FAM81B: variants seen among roughly 807,000 people sequenced by gnomAD.
The protein encoded by FAM81B is family with sequence similarity 81 member B.
FAM81B carries 60 observed loss-of-function variants against 58.7 expected under a neutral mutation model. That is an observed-to-expected ratio of 1.02 (90% CI 0.83 to 1.27). FAM81B has a LOEUF of 1.27. Among genes scored for constraint, FAM81B ranks in the 50% most tolerant of loss-of-function variants. The pLI is 0.00. For synonymous variants in FAM81B, 189 were observed against 179.6 expected, an observed-to-expected ratio of 1.05 and a Z score of -0.42; for missense variants, 491 against 522.0, an observed-to-expected ratio of 0.94 and a Z score of 0.58.
intron 3 of FAM81B, among the ~76,000 whole-genome samples, chr5:95,410,262 A>T (rs1227628166): frequency 6.6e-6 from 1 of 152,192 alleles, no homozygotes; most frequent in African/African-American, 2.4e-5. Flanking sequence ...ACATACTATG[A>T]GTGGGCCAGG....
chr5:95,449,653 G>A lies in FAM81B; in HGVS notation c.1226-496G>A, dbSNP rs1745720107. Among the ~76,000 whole-genome samples the A allele has an allele frequency of 2.0e-5, 3 of 152,302 alleles. No homozygotes were observed. In the South Asian group the frequency reaches 6.2e-4, roughly 32 times the overall value. On this transcript the variant is annotated intron_variant, in intron 9 of 9. Transcript: ENST00000283357. The stretch of plus-strand genomic sequence containing the variant: ...TAAGGCCTTGAGGTTTGATAGGTCT[G>A]TGGTCAGGAGTGACTAGACATGCAT...
intron 6 of FAM81B, among the ~76,000 whole-genome samples, chr5:95,435,863 T>C (rs902740185): frequency 1.3e-5 from 2 of 152,210 alleles, no homozygotes; most frequent in South Asian, 4.1e-4. Flanking sequence ...AACATTTCCA[T>C]CTTTAGCCTG....
rs181758022 is a variant in FAM81B at position 95,415,141 on chromosome 5, G to C, written c.537+951G>C. On this transcript the variant is annotated intron_variant, in intron 4 of 9. Transcript: ENST00000283357. ...TCTAAATCAAGAGAAACATGCTTGT[G>C]TAAGAGGTCTTCGAGAGTTGCTAGG... Among the ~76,000 whole-genome samples the C allele has an allele frequency of 2.9e-3, 445 of 152,312 alleles. 4 individuals are homozygous for C. Among genetic ancestry groups the C allele is most frequent in the African/African-American group, 0.01 (424 of 41,574 alleles).
At chr5:95,438,528 G>A (rs1745191190) in intron 7 of FAM81B, among the ~76,000 whole-genome samples, 1 of 152,078 alleles carries the variant, frequency 6.6e-6, no homozygotes, top group Non-Finnish European at 1.5e-5. Flanking sequence ...TTGGTATTAT[G>A]GGAATTTGGC....
intron 3 of FAM81B, among the ~76,000 whole-genome samples, chr5:95,411,580 G>A (rs1266006387): frequency 2.6e-5 from 4 of 152,130 alleles, no homozygotes; most frequent in African/African-American, 9.7e-5. Flanking sequence ...ATAACACTAT[G>A]GTAATTTTAT....
rs1270118807 is a variant in FAM81B, at chr5:95,396,156, C to G, written c.274C>G (p.Leu92Val). ...AATGTCAACCAAGAATTCTACAGAT[C>G]TAGTTGAATATGTTGACAAGTAAGT... ...AKMSTKNSTD[L>V]VEYVDKSHAF... The change falls in exon 3 of 10, where the codon CTA (leucine) becomes GTA (valine). Residue 92 changes from leucine to valine, a missense_variant. Transcript: ENST00000283357. The G allele has an allele frequency of 6.2e-7, 1 of 1,603,888 alleles. No homozygotes were observed. The highest frequency in any genetic ancestry group is 1.3e-5 in the African/African-American group (1 of 74,562).
intron 9 of FAM81B, among the ~76,000 whole-genome samples, chr5:95,449,413 T>C (rs749390337): frequency 2.0e-5 from 3 of 152,206 alleles, no homozygotes; most frequent in Non-Finnish European, 2.9e-5. Flanking sequence ...TCTGTTTAAC[T>C]ATCAGAGGTT....
intron 6 of FAM81B, 30 bp from the exon 7 acceptor site, chr5:95,436,770 T>A: frequency 6.9e-7 from 1 of 1,453,398 alleles, no homozygotes; most frequent in Non-Finnish European, 9.7e-7. Flanking sequence ...GTTTTGTTCA[T>A]ATGCACAAAC....
intron 3 of FAM81B, among the ~76,000 whole-genome samples, chr5:95,409,922 A>T (rs1003341912): frequency 5.9e-5 from 9 of 152,252 alleles, no homozygotes; most frequent in African/African-American, 1.9e-4. Flanking sequence ...GGAAAATTGC[A>T]TATGGCAAAT....
rs535720097 is a variant in FAM81B at position 95,434,024 on chromosome 5, T to G, written c.787-2776T>G. ...GGATTACACATCAATCCCCATACCT[T>G]TTGTTTTTATTCATTTATTTTTAAA... On this transcript the variant is annotated intron_variant, in intron 6 of 9. Transcript: ENST00000283357. 2.2e-4 allele frequency among the ~76,000 whole-genome samples: 34 copies of G among 152,338 alleles called. No homozygotes were observed. In the South Asian group the frequency reaches 7.0e-3, roughly 32 times the overall value.
chr5:95,416,501 A>G (rs1183991111), intron 4 of FAM81B, among the ~76,000 whole-genome samples: 1 of 152,212 alleles, frequency 6.6e-6, no homozygotes, highest in Admixed American at 6.5e-5. Flanking sequence ...TTTCCCCTCA[A>G]CTTACAAAAG....
At chr5:95,439,372 G>A (rs1745237771) in intron 7 of FAM81B, among the ~76,000 whole-genome samples, 1 of 150,948 alleles carries the variant, frequency 6.6e-6, no homozygotes, top group Non-Finnish European at 1.5e-5. Flanking sequence ...AATGATGAAT[G>A]TGTTCTCTTT....
At chr5:95,415,046 GA>G (rs1191130450) in intron 4 of FAM81B, among the ~76,000 whole-genome samples, 5 of 152,200 alleles carry the variant, frequency 3.3e-5, no homozygotes, top group Admixed American at 6.5e-5. Flanking sequence ...ATTGATGAAT[GA>G]ATAAATTAAT....
Position 95,412,085 on chromosome 5 carries a change from T to G in FAM81B, c.294-1862T>G, listed in dbSNP as rs139305040. On this transcript the variant is annotated intron_variant, in intron 3 of 9. Transcript: ENST00000283357. ...TGGGCAATTGCCTGGAGGTAGTCCA[T>G]TAGAGCTGGCCAACATTCACAGTCA... Among the ~76,000 whole-genome samples the G allele has an allele frequency of 7.0e-3, 1,070 of 152,270 alleles. 7 individuals are homozygous for G. The highest frequency in any genetic ancestry group is 0.011 in the Admixed American group (165 of 15,312).
chr5:95,428,545 A>G (rs1582815496), intron 5 of FAM81B, 58 bp from the exon 6 acceptor site: 3 of 1,599,286 alleles, frequency 1.9e-6, no homozygotes, highest in Non-Finnish European at 2.6e-6. Flanking sequence ...GGTGTCTACT[A>G]TAGTGTTAAA....
At chr5:95,438,701 A>T (rs926614198) in intron 7 of FAM81B, among the ~76,000 whole-genome samples, 6 of 151,954 alleles carry the variant, frequency 3.9e-5, no homozygotes, top group Non-Finnish European at 7.4e-5. Context: ...CAGGCAAATA[A>T]TTCTAATAAT....
At chr5:95,430,999 ACTAT>A (rs1450636764) in intron 6 of FAM81B, among the ~76,000 whole-genome samples, 1 of 151,974 alleles carries the variant, frequency 6.6e-6, no homozygotes. Context: ...TTTTTGGTGA[ACTAT>A]CTGTTTATGT....
At chr5:95,414,706 TG>T (rs1762492881) in intron 4 of FAM81B, among the ~76,000 whole-genome samples, 2 of 152,358 alleles carry the variant, frequency 1.3e-5, no homozygotes, top group South Asian at 4.1e-4. Flanking sequence ...TCACTCTGGC[TG>T]GATCATCTTC....
intron 7 of FAM81B, among the ~76,000 whole-genome samples, chr5:95,442,351 A>G (rs999161937): frequency 6.6e-5 from 10 of 152,150 alleles, no homozygotes; most frequent in Non-Finnish European, 1.0e-4. Context: ...AAATACAGTA[A>G]TCGTCATTTA....
Sources: gnomAD v4.1 joint callset for allele counts (sites outside exome capture counted in the v4.1 genomes callset) on GRCh38, gnomAD v4.1.1 for gene constraint, MANE v1.5 for transcripts, NCBI Gene and HGNC (gene_info 2026-07-23, HGNC 2026-07-21) for gene names.